Variants in CCDC3 observed in about 807,000 individuals in gnomAD.
CCDC3 encodes coiled-coil domain-containing protein 3.
CCDC3 carries 24 observed loss-of-function variants against 21.4 expected under a neutral mutation model. The ratio of observed to expected loss-of-function variants is 1.12; its 90% CI spans 0.81 to 1.58. The LOEUF (loss-of-function observed/expected upper bound fraction) is 1.58. Among genes scored for constraint, CCDC3 ranks in the 40% most tolerant of loss-of-function variants. CCDC3 has a pLI of 0.00. For missense variants in CCDC3, 425 were observed against 360.9 expected, an observed-to-expected ratio of 1.18 and a Z score of -1.44; for synonymous variants, 186 against 166.0, an observed-to-expected ratio of 1.12 and a Z score of -0.93.
At chr10:12,999,043 C>T (rs1835807299) in intron 1 of CCDC3, among the ~76,000 whole-genome samples, 1 of 152,146 alleles carries the variant, frequency 6.6e-6, no homozygotes, top group Non-Finnish European at 1.5e-5. Context: ...AGTTCGAGAC[C>T]AGCCTGGCCA....
intron 2 of CCDC3, among the ~76,000 whole-genome samples, chr10:12,903,940 T>C (rs1169358041): frequency 2.0e-5 from 3 of 152,262 alleles, no homozygotes; most frequent in African/African-American, 4.8e-5. Flanking sequence ...ACTGTGGACA[T>C]TGTAACATTT....
At chr10:13,084,357 C>T (rs1564343562) in intron 3 of CCDC3, among the ~76,000 whole-genome samples, 1 of 150,038 alleles carries the variant, frequency 6.7e-6, no homozygotes, top group African/African-American at 2.5e-5. Flanking sequence ...ACAATCTCTG[C>T]TCACCACAAC....
At chr10:12,961,309 C>T (rs1382972487) in intron 2 of CCDC3, among the ~76,000 whole-genome samples, 3 of 152,100 alleles carry the variant, frequency 2.0e-5, no homozygotes, top group East Asian at 3.9e-4. Flanking sequence ...GCCAAGTGGC[C>T]GCTACCTACT....
intron 2 of CCDC3, among the ~76,000 whole-genome samples, chr10:12,900,743 A>G: frequency 6.6e-6 from 1 of 151,426 alleles, no homozygotes; most frequent in Middle Eastern, 3.5e-3. Context: ...CTACACTGCA[A>G]TATGATGGTG....
chr10:13,004,446 T>C (rs527979332), upstream of CCDC3, among the ~76,000 whole-genome samples: 174 of 152,158 alleles, frequency 1.1e-3, 1 homozygote, highest in African/African-American at 3.8e-3. Context: ...AATTCCATGA[T>C]GGTGGATAAG....
intron 2 of CCDC3, among the ~76,000 whole-genome samples, chr10:12,975,680 CCT>C (rs1388131203): frequency 9.2e-5 from 14 of 152,254 alleles, no homozygotes; most frequent in African/African-American, 3.4e-4. Flanking sequence ...TTGCCAGCAC[CCT>C]GTGTCACATG....
At chr10:12,988,583 A>G (rs773528318) in intron 2 of CCDC3, among the ~76,000 whole-genome samples, 13 of 152,236 alleles carry the variant, frequency 8.5e-5, no homozygotes, top group Admixed American at 3.3e-4. Context: ...ACCTCGAGTG[A>G]TCTGCCCACC....
chr10:12,949,154 G>A (rs1042152844), intron 2 of CCDC3, among the ~76,000 whole-genome samples: 3 of 152,148 alleles, frequency 2.0e-5, no homozygotes, highest in Non-Finnish European at 4.4e-5. Flanking sequence ...AGACACAACT[G>A]CCAGTGTTCC....
intron 2 of CCDC3, among the ~76,000 whole-genome samples, chr10:12,931,032 G>A (rs773000687): frequency 1.3e-5 from 2 of 151,906 alleles, no homozygotes; most frequent in Admixed American, 1.3e-4. Context: ...CCAACATGGC[G>A]AAACCCCGTG....
intron 3 of CCDC3, among the ~76,000 whole-genome samples, chr10:13,081,956 T>C (rs1026473127): frequency 5.9e-5 from 9 of 152,224 alleles, no homozygotes; most frequent in Admixed American, 1.3e-4. Flanking sequence ...GACAGTGAAC[T>C]GTGCCAAACT....
At chr10:12,995,494 G>A (rs912202365) in intron 2 of CCDC3, among the ~76,000 whole-genome samples, 8 of 152,164 alleles carry the variant, frequency 5.3e-5, no homozygotes, top group East Asian at 1.9e-4. Flanking sequence ...CGCCGACCTC[G>A]GCCTCCCAAT....
intron 5 of CCDC3, among the ~76,000 whole-genome samples, chr10:13,045,546 A>T (rs949418089): frequency 2.0e-5 from 3 of 152,130 alleles, no homozygotes; most frequent in Non-Finnish European, 2.9e-5. Flanking sequence ...TGAACCTGGG[A>T]GACAGGGGTT....
Position 13,041,519 on chromosome 10 carries a change from T to A in CCDC3, c.-2+8155A>T, listed in dbSNP as rs1400510764. ...CTGGCAGATAATTTTTTTTTTTTTT[T>A]TTTTTTTTTTTTTTTTTTTTTTTTG... On this transcript the variant is annotated intron_variant, in intron 5 of 6. Coordinates refer to the CCDC3 transcript ENST00000378839. 3.5e-4 allele frequency among the ~76,000 whole-genome samples: 25 copies of A among 71,154 alleles called. 1 individual carries two copies. The highest frequency in any genetic ancestry group is 1.1e-3 in the Admixed American group (6 of 5,486). 46.7% of individuals were successfully genotyped at this position (71,154 alleles called of 152,430 possible).
intron 2 of CCDC3, among the ~76,000 whole-genome samples, chr10:12,972,400 C>T (rs1835356978): frequency 6.6e-6 from 1 of 152,154 alleles, no homozygotes; most frequent in East Asian, 1.9e-4. Flanking sequence ...GATCTGAATC[C>T]TGCCCTCAAC....
At chr10:12,942,540 A>G (rs1339545105) in intron 2 of CCDC3, among the ~76,000 whole-genome samples, 2 of 151,902 alleles carry the variant, frequency 1.3e-5, no homozygotes, top group African/African-American at 2.4e-5. Context: ...GGGGTGAGTC[A>G]TGTTCAACAT....
Position 12,898,455 on chromosome 10 carries a change from A to G in CCDC3, c.774T>C (p.Asn258=), listed in dbSNP as rs10906249. The G allele has an allele frequency of 1, 1,608,581 of 1,610,728 alleles. 803,251 individuals are homozygous for G. The highest frequency in any genetic ancestry group is 1 in the East Asian group (44,792 of 44,792). The change falls in exon 3 of 3, where the codon AAT becomes AAC. Residue 258 remains asparagine (N), a synonymous_variant. Transcript: ENST00000378825. The part of the protein sequence containing the change: ...KLAAGALPHI[N]ARGPVRPPYL... ...AGGGGGGGCGCACGGGCCCCCGGGC[A>G]TTGATGTGCGGCAGCGCGCCCGCCG...
At chr10:12,932,062 C>A (rs1247633529) in intron 2 of CCDC3, among the ~76,000 whole-genome samples, 2 of 152,196 alleles carry the variant, frequency 1.3e-5, no homozygotes, top group Admixed American at 6.5e-5. Flanking sequence ...TATCCATAAA[C>A]AAATCTCCAT....
chr10:12,994,665 T>A (rs1166704916), intron 2 of CCDC3, among the ~76,000 whole-genome samples: 2 of 152,034 alleles, frequency 1.3e-5, no homozygotes, highest in Non-Finnish European at 2.9e-5. Context: ...TCCCCTAAGG[T>A]TAAGGAACAA....
chr10:12,955,851 C>T (rs185868744), intron 2 of CCDC3, among the ~76,000 whole-genome samples: 3 of 152,266 alleles, frequency 2.0e-5, no homozygotes, highest in East Asian at 1.9e-4. Context: ...ACTGGGATTA[C>T]AAGCATGTGC....
Sources: allele counts gnomAD v4.1 joint callset (sites outside exome capture counted in the v4.1 genomes callset), GRCh38; gene constraint gnomAD v4.1.1; transcripts MANE v1.5; gene names NCBI Gene and HGNC (gene_info 2026-07-23, HGNC 2026-07-21).